NFATC2: variants seen among roughly 807,000 people sequenced by gnomAD.
The protein encoded by NFATC2 is nuclear factor of activated T cells 2, also known as nuclear factor of activated T-cells, cytoplasmic 2.
In NFATC2, 22 loss-of-function variants were observed where a neutral mutation model predicts 87.3. That is an observed-to-expected ratio of 0.25 (90% confidence interval 0.18 to 0.36). NFATC2 has a LOEUF of 0.36. Among genes scored for constraint, NFATC2 ranks in the 10% least tolerant of loss-of-function variants. The pLI is 1.00. For missense variants in NFATC2, 1,149 were observed against 1,259.1 expected (o/e 0.91, Z 1.32); for synonymous variants, 565 against 542.2 (o/e 1.04, Z -0.58).
At chr20:51,469,598 A>G (rs1227137156) in intron 5 of NFATC2, among the ~76,000 whole-genome samples, 1 of 152,120 alleles carries the variant, frequency 6.6e-6, no homozygotes, top group East Asian at 1.9e-4. Context: ...GTCTTCACAT[A>G]TATAATTAAG....
chr20:51,474,069 G>A lies in NFATC2; in HGVS notation c.1619C>T (p.Thr540Met), dbSNP rs2146511609. 1 of 1,614,204 alleles carries A rather than the reference G, an allele frequency of 6.2e-7. No homozygotes were observed. The highest frequency in any genetic ancestry group is 8.5e-7 in the Non-Finnish European group (1 of 1,180,048). Reference protein sequence around the residue: ...KGETDIGRKNTRVRLVFRVHI... With the variant: ...KGETDIGRKNMRVRLVFRVHI... ...AACTCGGAAAACCAGTCTCACCCGC[G>A]TGTTCTTTCTTCCAATGTCCGTCTC... The change falls in exon 5 of 11, where the codon ACG becomes ATG. Residue 540 changes from threonine to methionine, a missense_variant. This residue lies in a region of NFATC2 where 581 missense variants were observed against 649.7 expected (regional missense o/e 0.89). Coordinates refer to ENST00000371564, the MANE Select transcript of NFATC2 (RefSeq NM_012340.5).
intron 3 of NFATC2, among the ~76,000 whole-genome samples, chr20:51,488,466 G>A (rs1423907846): frequency 6.6e-6 from 1 of 152,188 alleles, no homozygotes; most frequent in Non-Finnish European, 1.5e-5. Context: ...TACCCAGTAG[G>A]TAGCAGCAGC....
chr20:51,403,566 CTG>C (rs1988270314), intron 9 of NFATC2, among the ~76,000 whole-genome samples: 1 of 152,190 alleles, frequency 6.6e-6, no homozygotes, highest in East Asian at 1.9e-4. Context: ...CTAAACCACT[CTG>C]TGATGGTATT....
intron 1 of NFATC2, among the ~76,000 whole-genome samples, chr20:51,533,402 A>G (rs1402518993): frequency 6.6e-6 from 1 of 152,266 alleles, no homozygotes; most frequent in Non-Finnish European, 1.5e-5. Context: ...AACAGTAAGT[A>G]GATTCTCAAT....
chr20:51,390,038 AG>A lies in NFATC2; in HGVS notation c.*1457del, dbSNP rs1251868589. 6.6e-6 allele frequency: 1 copy of A among 152,118 alleles called. No individual in the cohort carries two copies. The highest frequency in any genetic ancestry group is 2.4e-5 in the African/African-American group (1 of 41,374). 9.4% of individuals were successfully genotyped at this position (152,118 alleles called of 1,614,324 possible). A position where few individuals can be genotyped will look rare whatever the true frequency, so the allele number is the denominator to read the frequency against. On this transcript the variant is annotated 3_prime_UTR_variant, in exon 11 of 11. Transcript: ENST00000371564. Reference sequence around the variant, plus strand: ...ACAAACACATCTGCCAAGAACTTCAAGGGTTTTGTTTGTAAAAATCACAAAA... The same window carrying A: ...ACAAACACATCTGCCAAGAACTTCAAGGTTTTGTTTGTAAAAATCACAAAA...
chr20:51,478,377 A>G (rs1272597841), intron 3 of NFATC2, among the ~76,000 whole-genome samples: 1 of 152,246 alleles, frequency 6.6e-6, no homozygotes, highest in Non-Finnish European at 1.5e-5. Context: ...GAAGAAAGGT[A>G]GGATGGAGAG....
intron 9 of NFATC2, among the ~76,000 whole-genome samples, chr20:51,424,192 C>T (rs1337436845): frequency 6.6e-6 from 1 of 152,202 alleles, no homozygotes; most frequent in Non-Finnish European, 1.5e-5. Context: ...TCTGTGGGCT[C>T]CTCTGTAGGC....
At chr20:51,484,602 G>A (rs1350953284) in intron 3 of NFATC2, among the ~76,000 whole-genome samples, 2 of 152,178 alleles carry the variant, frequency 1.3e-5, no homozygotes, top group African/African-American at 4.8e-5. Flanking sequence ...AGTCTCTCCA[G>A]ACCTACGCCT....
At chr20:51,391,550 T>C (rs1054684458) in intron 10 of NFATC2, 99 bp from the exon 11 acceptor site, 2 of 1,282,246 alleles carry the variant, frequency 1.6e-6, no homozygotes, top group Admixed American at 1.8e-5. Flanking sequence ...TCTATTGGGC[T>C]ATTGATTTTT....
At chr20:51,414,843 C>T (rs547399529) in intron 9 of NFATC2, among the ~76,000 whole-genome samples, 21 of 152,180 alleles carry the variant, frequency 1.4e-4, no homozygotes, top group African/African-American at 4.1e-4. Flanking sequence ...TACACACAGC[C>T]GGAAACACAG....
chr20:51,561,412 GAAAGAAAGAGAGAGAAAGA>G lies in NFATC2; in HGVS notation c.70+1129_70+1147del, dbSNP rs1267681648. Among the ~76,000 whole-genome samples, 5 of 139,594 alleles carry G rather than the reference GAAAGAAAGAGAGAGAAAGA, an allele frequency of 3.6e-5. No individual in the cohort carries two copies. The East Asian group carries it at 6.2e-4, about 17-fold the overall frequency. 91.6% of individuals were successfully genotyped at this position (139,594 alleles called of 152,430 possible). A position where few individuals can be genotyped will look rare whatever the true frequency, so the allele number is the denominator to read the frequency against. On this transcript the variant is annotated intron_variant, in intron 1 of 10. Coordinates refer to the NFATC2 transcript ENST00000414705. ...AAGAAAGAGAGAGAAAGAAAAGAAAGAAAGAAAGAGAGAGAAAGAAAAGAAAGAAAGAAAGAAAGAAAGA... is the reference window on the plus strand; with the variant it reads ...AAGAAAGAGAGAGAAAGAAAAGAAAGAAAGAAAGAAAGAAAGAAAGAAAGA...
In NFATC2 at chr20:51,464,164, AC is replaced by A. The variant is rs548315234; in HGVS notation, c.1709-9477del. On this transcript the variant is annotated intron_variant, in intron 5 of 10. Coordinates refer to ENST00000371564, the MANE Select transcript of NFATC2 (RefSeq NM_012340.5). ...CAGTGACAGGGTGGCAGCCAGAGGT[AC>A]GTAAAGCCTGCTTTACAGAACTACG... 7.9e-5 allele frequency among the ~76,000 whole-genome samples: 12 copies of A among 152,300 alleles called. No individual in the cohort carries two copies. In the South Asian group the frequency reaches 1.9e-3, roughly 24 times the overall value.
rs770250812 is a variant in NFATC2, at chr20:51,432,182, G to A, written c.2607C>T (p.Ala869=). The A allele has an allele frequency of 1.2e-6, 2 of 1,608,500 alleles. No individual in the cohort carries two copies. Among genetic ancestry groups the A allele is most frequent in the South Asian group, 2.2e-5 (2 of 90,750 alleles). The part of the protein sequence containing the change: ...SYPTVIQQQN[A]TSQRAAKNGP... ...CGTTTTTGGCGGCTCTTTGGCTCGT[G>A]GCATTCTGCTGCTGAATGACTGTGG... The change falls in exon 9 of 11, where the codon GCC becomes GCT. Residue 869 remains alanine (A), a synonymous_variant. Coordinates refer to ENST00000371564, the MANE Select transcript of NFATC2 (RefSeq NM_012340.5). This position sits in a 1 kb window ranked among gnomAD's most constrained non-coding sequence, Gnocchi z 4.6.
At position 51,523,209 on chromosome 20, in the gene NFATC2, G is replaced by T; in HGVS notation, c.1032C>A (p.His344Gln). The T allele has an allele frequency of 6.2e-7, 1 of 1,614,044 alleles. No homozygotes were observed. The highest frequency in any genetic ancestry group is 8.5e-7 in the Non-Finnish European group (1 of 1,179,950). ...CCAGGAACTCCACGGCCGGGTAGAT[G>T]TGGCGAGGCAGGCCGGCCTTGGATG... ...AAPSKAGLPRHIYPAVEFLGP... is the reference protein window; with the variant it reads ...AAPSKAGLPRQIYPAVEFLGP... Residue 344 changes from histidine (H) to glutamine (Q), a missense_variant, in exon 2 of 11, where the codon CAC (histidine) becomes CAA (glutamine). Around this residue, in one of 3 missense-constraint regions of NFATC2, gnomAD observed 563 missense variants for 585.2 expected, o/e 0.96. Transcript: ENST00000371564. The surrounding 1 kb of genome is among the most constrained non-coding windows in gnomAD (Gnocchi z 6.9).
In NFATC2 at chr20:51,432,911, G is replaced by C. The variant is rs575904269; in HGVS notation, c.2033-155C>G. Among the ~76,000 whole-genome samples, 40 of 152,282 alleles carry C rather than the reference G, an allele frequency of 2.6e-4. 1 individual carries two copies. The highest frequency in any genetic ancestry group is 2.6e-3 in the Admixed American group (40 of 15,300). On this transcript the variant is annotated intron_variant, in intron 8 of 10. Coordinates refer to ENST00000371564, the MANE Select transcript of NFATC2 (RefSeq NM_012340.5). The surrounding 1 kb of genome is among the most constrained non-coding windows in gnomAD (Gnocchi z 4.6). ...GTCACTTATCAGCCTTGGGCAAAAG[G>C]CTCCCCATGCAATTGTCTTAGGTAG...
chr20:51,433,865 T>C (rs896262279), intron 8 of NFATC2, among the ~76,000 whole-genome samples: 2 of 151,486 alleles, frequency 1.3e-5, no homozygotes, highest in Admixed American at 6.6e-5. Flanking sequence ...ACCACAGAAA[T>C]TGTCCCTCGA....
At chr20:51,555,743 G>A (rs145448989) in intron 1 of NFATC2, among the ~76,000 whole-genome samples, 5 of 152,156 alleles carry the variant, frequency 3.3e-5, no homozygotes, top group South Asian at 2.1e-4. Flanking sequence ...TGCACACATC[G>A]CTCATTCTGC....
chr20:51,432,369 G>T lies in NFATC2; in HGVS notation c.2420C>A (p.Ala807Asp). ...GGGTGAGTAGTGGATCACAGGCGAG[G>T]CCTGCTGGTTGGTCGGAGAGGGGTG... is the stretch of plus-strand genomic sequence containing the variant. Reference protein sequence around the residue: ...LLHPSPTNQQASPVIHYSPTN... With the variant: ...LLHPSPTNQQDSPVIHYSPTN... Residue 807 changes from alanine to aspartate, a missense_variant, in exon 9 of 11, where the codon GCC becomes GAC. Coordinates refer to ENST00000371564, the MANE Select transcript of NFATC2 (RefSeq NM_012340.5). The surrounding 1 kb of genome is among the most constrained non-coding windows in gnomAD (Gnocchi z 4.6). The T allele has an allele frequency of 6.2e-7, 1 of 1,612,890 alleles. No individual in the cohort carries two copies. Among genetic ancestry groups the T allele is most frequent in the Non-Finnish European group, 8.5e-7 (1 of 1,179,336 alleles).
intron 1 of NFATC2, among the ~76,000 whole-genome samples, chr20:51,536,997 G>A (rs879274825): frequency 6.6e-6 from 1 of 152,128 alleles, no homozygotes; most frequent in African/African-American, 2.4e-5. Flanking sequence ...TGGGGGCCAG[G>A]GGAGGCCAGA....
Sources: allele counts gnomAD v4.1 joint callset (sites outside exome capture counted in the v4.1 genomes callset), GRCh38; gene constraint gnomAD v4.1.1; regional missense constraint gnomAD v4.1.1; non-coding constraint Gnocchi (gnomAD v3.1); transcripts MANE v1.5; gene names NCBI Gene and HGNC (gene_info 2026-07-23, HGNC 2026-07-21).